SUCLG2: variants seen among roughly 807,000 people sequenced by gnomAD.
SUCLG2 encodes the protein succinate-CoA ligase GDP-forming subunit beta.
In SUCLG2, 42 loss-of-function variants were observed where a neutral mutation model predicts 47.9. That is an observed-to-expected ratio of 0.88 (90% CI 0.69 to 1.14). The LOEUF is 1.14. Among genes scored for constraint, SUCLG2 ranks in the 50% most tolerant of loss-of-function variants. SUCLG2 has a pLI of 0.00. For missense variants in SUCLG2, 571 were observed against 525.9 expected (o/e 1.09, Z -0.84); for synonymous variants, 195 against 197.3 (o/e 0.99, Z 0.10).
intron 9 of SUCLG2, among the ~76,000 whole-genome samples, chr3:67,429,265 C>T (rs917701152): frequency 6.6e-6 from 1 of 152,206 alleles, no homozygotes; most frequent in Non-Finnish European, 1.5e-5. Flanking sequence ...AGCAGAAACT[C>T]TACAAGCCAG....
rs139058230 is a variant in SUCLG2 at position 67,539,643 on chromosome 3, C to A, written c.227-10457G>T. ...AGTTTCAGAAGGAATGGTACCAGCT[C>A]CTCTTTGTACCTACGGCAGAAGTCA... On this transcript the variant is annotated intron_variant, in intron 2 of 10. Transcript: ENST00000307227. Among the ~76,000 whole-genome samples the A allele has an allele frequency of 4.4e-3, 675 of 152,260 alleles. 8 individuals are homozygous for A. In the East Asian group the frequency reaches 0.054, roughly 12 times the overall value.
chr3:67,526,477 C>T (rs2107141941), intron 4 of SUCLG2, among the ~76,000 whole-genome samples: 1 of 152,256 alleles, frequency 6.6e-6, no homozygotes, highest in East Asian at 1.9e-4. Flanking sequence ...CCTCTTAATG[C>T]AAACCACAAT....
intron 10 of SUCLG2, among the ~76,000 whole-genome samples, chr3:67,368,000 A>G (rs1479815592): frequency 6.6e-6 from 1 of 152,216 alleles, no homozygotes; most frequent in Non-Finnish European, 1.5e-5. Context: ...CATTTTTAAA[A>G]TGGCTACACG....
chr3:67,379,948 T>C (rs1702116248), intron 10 of SUCLG2, among the ~76,000 whole-genome samples: 1 of 152,186 alleles, frequency 6.6e-6, no homozygotes, highest in South Asian at 2.1e-4. Flanking sequence ...CCACTTTCCT[T>C]TGTCAGACTT....
intron 2 of SUCLG2, among the ~76,000 whole-genome samples, chr3:67,603,795 T>C (rs1017866254): frequency 1.3e-5 from 2 of 152,218 alleles, no homozygotes; most frequent in African/African-American, 4.8e-5. Flanking sequence ...TTTCCAGTTA[T>C]ATGAGAGACA....
intron 9 of SUCLG2, among the ~76,000 whole-genome samples, chr3:67,401,117 C>T (rs976977398): frequency 1.3e-5 from 2 of 152,028 alleles, no homozygotes; most frequent in African/African-American, 2.4e-5. Context: ...ATCATTCATT[C>T]GTCTATTATA....
chr3:67,538,470 T>A (rs539683689), intron 2 of SUCLG2, among the ~76,000 whole-genome samples: 2 of 152,318 alleles, frequency 1.3e-5, no homozygotes, highest in East Asian at 3.9e-4. Context: ...AGCCTTGTAG[T>A]GCAGTTTGAA....
At chr3:67,504,133 A>C (rs1361841205) in intron 7 of SUCLG2, among the ~76,000 whole-genome samples, 2 of 152,206 alleles carry the variant, frequency 1.3e-5, no homozygotes, top group African/African-American at 4.8e-5. Context: ...AATGGCCTTA[A>C]AATGCTGATA....
At chr3:67,499,037 T>C (rs1705425196) in intron 7 of SUCLG2, among the ~76,000 whole-genome samples, 1 of 152,174 alleles carries the variant, frequency 6.6e-6, no homozygotes, top group Admixed American at 6.5e-5. Flanking sequence ...TTGGTATATC[T>C]GAGATTCCTG....
chr3:67,639,836 G>A (rs543323045), intron 1 of SUCLG2, among the ~76,000 whole-genome samples: 19 of 152,204 alleles, frequency 1.2e-4, no homozygotes, highest in African/African-American at 4.1e-4. Flanking sequence ...GTGTGACCAG[G>A]GAACAATAAG....
At chr3:67,496,900 T>C (rs1356131972) in intron 8 of SUCLG2, among the ~76,000 whole-genome samples, 1 of 152,126 alleles carries the variant, frequency 6.6e-6, no homozygotes, top group Admixed American at 6.6e-5. Context: ...TGTGACTAAT[T>C]AAATTTGGAG....
At chr3:67,597,053 C>T (rs1708309430) in intron 2 of SUCLG2, among the ~76,000 whole-genome samples, 1 of 152,164 alleles carries the variant, frequency 6.6e-6, no homozygotes, top group Non-Finnish European at 1.5e-5. Flanking sequence ...CAGAGAGAAC[C>T]CACAGAAGGT....
intron 2 of SUCLG2, among the ~76,000 whole-genome samples, chr3:67,596,487 A>G (rs998288001): frequency 7.2e-5 from 11 of 152,204 alleles, no homozygotes; most frequent in African/African-American, 1.4e-4. Context: ...TGCCTCTTCC[A>G]AGAAGGCTTC....
At chr3:67,580,050 A>C (rs925661331) in intron 2 of SUCLG2, among the ~76,000 whole-genome samples, 1 of 152,246 alleles carries the variant, frequency 6.6e-6, no homozygotes, top group Non-Finnish European at 1.5e-5. Context: ...TACTGTAGCA[A>C]ATCTCAATAT....
At chr3:67,607,664 G>T (rs1302919636) in intron 2 of SUCLG2, among the ~76,000 whole-genome samples, 2 of 152,096 alleles carry the variant, frequency 1.3e-5, no homozygotes, top group African/African-American at 4.8e-5. Context: ...GATATGGTTT[G>T]GCTGTCCCCA....
At chr3:67,643,598 C>A (rs1305943052) in intron 1 of SUCLG2, among the ~76,000 whole-genome samples, 1 of 152,188 alleles carries the variant, frequency 6.6e-6, no homozygotes. Context: ...TTAGTGAGGA[C>A]TTACAGTATC....
intron 9 of SUCLG2, among the ~76,000 whole-genome samples, chr3:67,432,206 GC>G (rs1703501570): frequency 6.6e-6 from 1 of 152,138 alleles, no homozygotes; most frequent in Admixed American, 6.6e-5. Flanking sequence ...TTTAAACCCA[GC>G]AACAGTGGGT....
At chr3:67,565,976 A>G (rs1707444418) in intron 2 of SUCLG2, among the ~76,000 whole-genome samples, 1 of 152,044 alleles carries the variant, frequency 6.6e-6, no homozygotes, top group African/African-American at 2.4e-5. Context: ...TCCTTTTGTT[A>G]TATTTGATTT....
intron 1 of SUCLG2, among the ~76,000 whole-genome samples, chr3:67,642,565 C>G (rs879302999): frequency 1.3e-5 from 2 of 152,146 alleles, no homozygotes; most frequent in African/African-American, 4.8e-5. Flanking sequence ...AGCTGTTATA[C>G]GATCTTGCCA....
Sources: allele counts gnomAD v4.1 joint callset (sites outside exome capture counted in the v4.1 genomes callset), GRCh38; gene constraint gnomAD v4.1.1; transcripts MANE v1.5; gene names NCBI Gene and HGNC (gene_info 2026-07-23, HGNC 2026-07-21).